RTL4: variants seen among roughly 807,000 people sequenced by gnomAD.
RTL4 encodes the protein retrotransposon Gag like 4, also known as retrotransposon Gag-like protein 4.
A neutral mutation model predicts 5.3 loss-of-function variants in RTL4; 4 were observed. That is an observed-to-expected ratio of 0.75 (90% CI 0.37 to 1.72). The LOEUF (loss-of-function observed/expected upper bound fraction) is 1.72, where lower values mean the gene tolerates loss of function less well. Among genes scored for constraint, RTL4 ranks in the 40% most tolerant of loss-of-function variants. RTL4 has a pLI of 0.04. For missense variants in RTL4, 260 were observed against 227.1 expected (o/e 1.14, Z -0.93); for synonymous variants, 98 against 87.3 (o/e 1.12, Z -0.68).
the RTL4 span, among the ~76,000 whole-genome samples, chrX:112,247,475 C>G: frequency 1.8e-5 from 2 of 111,890 alleles, no homozygotes; most frequent in Non-Finnish European, 3.8e-5. Flanking sequence ...GGCATATCCC[C>G]TCATTTTTTA....
At chrX:112,299,424 A>G in the RTL4 span, among the ~76,000 whole-genome samples, 1 of 112,437 alleles carries the variant, frequency 8.9e-6, no homozygotes, top group Admixed American at 9.4e-5. Context: ...TTTTAATACC[A>G]CTGAACTGAG....
At chrX:112,259,090 A>C in the RTL4 span, among the ~76,000 whole-genome samples, 3 of 111,252 alleles carry the variant, frequency 2.7e-5, no homozygotes, top group Non-Finnish European at 3.8e-5. Context: ...GTTTTTCAGT[A>C]GTTTTCTGGC....
At chrX:112,136,119 C>T in the RTL4 span, among the ~76,000 whole-genome samples, 52 of 110,140 alleles carry the variant, frequency 4.7e-4, no homozygotes, top group African/African-American at 1.1e-3. Context: ...TTCTTCATTT[C>T]CATTTTGGAT....
chrX:112,354,650 T>C, the RTL4 span, among the ~76,000 whole-genome samples: 1 of 111,579 alleles, frequency 9.0e-6, no homozygotes, highest in Non-Finnish European at 1.9e-5. Context: ...GCAGTGGTTA[T>C]GGTCGACATT....
chrX:112,389,000 T>C, the RTL4 span, among the ~76,000 whole-genome samples: 1 of 111,257 alleles, frequency 9.0e-6, no homozygotes, highest in Non-Finnish European at 1.9e-5. Flanking sequence ...CCAGCTCTCT[T>C]TTTTTGTACA....
the RTL4 span, among the ~76,000 whole-genome samples, chrX:112,326,699 G>C: frequency 8.9e-6 from 1 of 111,983 alleles, no homozygotes; most frequent in Non-Finnish European, 1.9e-5. Context: ...CACCTCTGGG[G>C]GCAGGGCACA....
the RTL4 span, among the ~76,000 whole-genome samples, chrX:112,368,418 C>G: frequency 9.0e-6 from 1 of 111,598 alleles, no homozygotes; most frequent in Non-Finnish European, 1.9e-5. Context: ...TATTTAATCA[C>G]AAACTAGCCT....
chrX:112,256,109 A>T, the RTL4 span, among the ~76,000 whole-genome samples: 22 of 112,397 alleles, frequency 2.0e-4, no homozygotes, highest in African/African-American at 7.1e-4. Context: ...ATATGCAATG[A>T]TATTTTTAAC....
the RTL4 span, among the ~76,000 whole-genome samples, chrX:112,108,132 G>T: frequency 9.0e-6 from 1 of 110,860 alleles, no homozygotes. Flanking sequence ...ATTGTACTTT[G>T]CAGCTTCAGA....
At chrX:112,186,945 G>T in the RTL4 span, among the ~76,000 whole-genome samples, 1 of 111,992 alleles carries the variant, frequency 8.9e-6, no homozygotes, top group Admixed American at 9.5e-5. Context: ...AGACAGTGGT[G>T]GTGAATGAGA....
At chrX:112,219,796 G>A in the RTL4 span, among the ~76,000 whole-genome samples, 1 of 111,755 alleles carries the variant, frequency 8.9e-6, no homozygotes, top group South Asian at 3.7e-4. Context: ...TTTGTAATGT[G>A]GTACATGATT....
At chrX:112,214,874 C>T in the RTL4 span, among the ~76,000 whole-genome samples, 8 of 110,030 alleles carry the variant, frequency 7.3e-5, no homozygotes, top group South Asian at 1.6e-3. Flanking sequence ...CTGCAAACTC[C>T]GCCTCCCACA....
chrX:112,346,680 G>A, the RTL4 span, among the ~76,000 whole-genome samples: 1 of 111,236 alleles, frequency 9.0e-6, no homozygotes, highest in Non-Finnish European at 1.9e-5. Context: ...CTTCGGATGT[G>A]TGTAAAGCAC....
the RTL4 span, among the ~76,000 whole-genome samples, chrX:112,378,928 C>T: frequency 8.9e-6 from 1 of 112,302 alleles, no homozygotes; most frequent in Admixed American, 9.4e-5. Flanking sequence ...ATGCCTTCTG[C>T]GTTGGAAGCA....
chrX:112,270,825 G>A, the RTL4 span, among the ~76,000 whole-genome samples: 1 of 110,356 alleles, frequency 9.1e-6, no homozygotes, highest in South Asian at 4.0e-4. Context: ...AGTAAGTAAT[G>A]TGAAATGCTG....
At chrX:112,413,846 AAT>A in the RTL4 span, among the ~76,000 whole-genome samples, 1 of 110,815 alleles carries the variant, frequency 9.0e-6, no homozygotes, top group African/African-American at 3.3e-5. Flanking sequence ...AAAAGAGTAG[AAT>A]TGGATTGTTT....
At chrX:112,382,137 G>A in the RTL4 span, 2 of 1,210,182 alleles carry the variant, frequency 1.7e-6, no homozygotes, top group Non-Finnish European at 2.2e-6. Flanking sequence ...AGACTGCAAG[G>A]AAGTCATAAT....
chrX:112,190,192 CT>C, the RTL4 span, among the ~76,000 whole-genome samples: 46 of 98,929 alleles, frequency 4.6e-4, no homozygotes, highest in Non-Finnish European at 7.1e-4. Flanking sequence ...TTCTTTCTTT[CT>C]TTCTTTCTTT....
the RTL4 span, among the ~76,000 whole-genome samples, chrX:112,352,487 A>G: frequency 9.0e-6 from 1 of 111,268 alleles, no homozygotes; most frequent in Non-Finnish European, 1.9e-5. Flanking sequence ...ACAGAGATAT[A>G]CATCAATGGA....
Sources: allele counts gnomAD v4.1 joint callset (sites outside exome capture counted in the v4.1 genomes callset), GRCh38; gene constraint gnomAD v4.1.1; transcripts MANE v1.5; gene names NCBI Gene and HGNC (gene_info 2026-07-23, HGNC 2026-07-21).